The following INF2 variants were observed in gnomAD, a reference collection of about 807,000 sequenced individuals.
INF2 encodes inverted formin 2, also known as inverted formin-2.
Under a neutral mutation model 123.5 loss-of-function variants are expected in INF2, and 43 were observed. That is an observed-to-expected ratio of 0.35 (90% CI 0.27 to 0.45). The LOEUF (loss-of-function observed/expected upper bound fraction) is 0.45. Ranked by LOEUF, INF2 falls within the 20% of genes least tolerant of loss-of-function variation. INF2 has a pLI of 1.00. For missense variants in INF2, 1,453 were observed against 1,682.7 expected (o/e 0.86, Z 2.39); for synonymous variants, 851 against 745.0 (o/e 1.14, Z -2.32).
intron 13 of INF2, 68 bp downstream of exon 13, chr14:104,710,256 T>TC: frequency 8.7e-7 from 1 of 1,152,402 alleles, no homozygotes; most frequent in Non-Finnish European, 1.2e-6. Flanking sequence ...GGAGGGCTGC[T>TC]CGGGGCCCCT....
At chr14:104,691,777 G>A (rs372497507) in intron 1 of INF2, among the ~76,000 whole-genome samples, 1 of 152,144 alleles carries the variant, frequency 6.6e-6, no homozygotes, top group Admixed American at 6.5e-5. Flanking sequence ...CCAACCACCT[G>A]GCCCCCTGTT....
chr14:104,703,477 A>G (rs1308207708), intron 4 of INF2, 23 bp downstream of exon 4: 3 of 1,608,988 alleles, frequency 1.9e-6, no homozygotes, highest in Admixed American at 1.7e-5. Context: ...CCTGGGCCGC[A>G]TGCCCGCTCC....
intron 22 of INF2, among the ~76,000 whole-genome samples, chr14:104,716,978 C>T (rs1890327536): frequency 6.6e-6 from 1 of 152,240 alleles, no homozygotes; most frequent in Non-Finnish European, 1.5e-5. Flanking sequence ...AGGCGTGAGC[C>T]ACCGTGCCCA....
chr14:104,685,379 T>C (rs1888629545), upstream of INF2, among the ~76,000 whole-genome samples: 1 of 152,018 alleles, frequency 6.6e-6, no homozygotes, highest in African/African-American at 2.4e-5. Flanking sequence ...GCTTGCAAAA[T>C]GCTGAGAGGC....
rs1279370721 is a variant in INF2, at chr14:104,708,747, T to C, written c.1949+15T>C. 1.9e-6 allele frequency: 3 copies of C among 1,612,530 alleles called. No individual in the cohort carries two copies. Among genetic ancestry groups the C allele is most frequent in the Non-Finnish European group, 2.5e-6 (3 of 1,179,532 alleles). ...CAATTTAAGTGGTGAGTGAGGGAGG[T>C]AGCCCCCATCCCAGGCCACGGAGCC... On this transcript the variant is annotated intron_variant, in intron 10 of 22. Coordinates refer to ENST00000392634, the MANE Select transcript of INF2 (RefSeq NM_022489.4).
intron 5 of INF2, 108 bp downstream of exon 5, chr14:104,704,057 G>T (rs1889662682): frequency 1.9e-6 from 3 of 1,572,934 alleles, no homozygotes; most frequent in African/African-American, 1.3e-5. Flanking sequence ...CCTCCAGATG[G>T]CAGGGAGGTG....
In INF2 at chr14:104,718,868, C is replaced by T. The variant is rs763867165; in HGVS notation, c.*75C>T. 1 of 1,603,812 alleles carries T rather than the reference C, an allele frequency of 6.2e-7. No homozygotes were observed. The highest frequency in any genetic ancestry group is 8.5e-7 in the Non-Finnish European group (1 of 1,176,556). On this transcript the variant is annotated 3_prime_UTR_variant, in exon 23 of 23. Coordinates refer to ENST00000392634, the MANE Select transcript of INF2 (RefSeq NM_022489.4). ...CATGCTGCCATTCTGCCAAGAGAGG[C>T]TCTTCTGGGGGCCAGGCTGGGACTG...
chr14:104,714,597 C>A lies in INF2; in HGVS notation c.3435C>A (p.Ala1145=). 1.2e-6 allele frequency: 2 copies of A among 1,612,566 alleles called. No individual in the cohort carries two copies. The highest frequency in any genetic ancestry group is 1.7e-6 in the Non-Finnish European group (2 of 1,179,872). The change falls in exon 21 of 23, where the codon GCC becomes GCA. Residue 1145 remains alanine (A), a synonymous_variant. Coordinates refer to ENST00000392634, the MANE Select transcript of INF2 (RefSeq NM_022489.4). The stretch of plus-strand genomic sequence containing the variant: ...TGCTGGGCGTCCTCCAGGCCGAGGC[C>A]GACAGCACAAGTGAGGGGCTGGAGG... ...TSLLGVLQAE[A]DSTSEGLEDA...
At chr14:104,682,812 T>G (rs1315755334) in intron 1 of INF2, among the ~76,000 whole-genome samples, 1 of 151,138 alleles carries the variant, frequency 6.6e-6, no homozygotes, top group Non-Finnish European at 1.5e-5. Flanking sequence ...AATCCTCACG[T>G]CCCCCCCGGA....
upstream of INF2, among the ~76,000 whole-genome samples, chr14:104,687,459 T>G (rs890789042): frequency 7.8e-5 from 10 of 128,250 alleles, no homozygotes; most frequent in African/African-American, 2.7e-4. This position sits in a 1 kb window ranked among gnomAD's most constrained non-coding sequence, Gnocchi z 5.6. Context: ...CGGCCTCCAC[T>G]CCACACACAC....
chr14:104,693,854 C>T (rs545913159), intron 1 of INF2, among the ~76,000 whole-genome samples: 3 of 152,340 alleles, frequency 2.0e-5, no homozygotes, highest in South Asian at 4.1e-4. Context: ...CCTCTGTGCC[C>T]CCGGGTCCCT....
intron 16 of INF2, among the ~76,000 whole-genome samples, chr14:104,711,908 G>A (rs1890067276): frequency 6.6e-6 from 1 of 152,244 alleles, no homozygotes; most frequent in Non-Finnish European, 1.5e-5. Flanking sequence ...CGAGGAAACA[G>A]GCCTAGAGTG....
chr14:104,694,831 G>A (rs901991921), intron 1 of INF2, among the ~76,000 whole-genome samples: 2 of 152,152 alleles, frequency 1.3e-5, no homozygotes, highest in Admixed American at 6.5e-5. Context: ...AGCCTGGCTC[G>A]TGGGCAGGCA....
chr14:104,689,470 G>A (rs916487061), upstream of INF2: 20 of 422,754 alleles, frequency 4.7e-5, no homozygotes, highest in Non-Finnish European at 1.9e-5. Flanking sequence ...AGCGCCCTCA[G>A]GGACCGGCCA....
intron 11 of INF2, 23 bp downstream of exon 11, chr14:104,709,406 C>T (rs749871713): frequency 3.2e-6 from 5 of 1,573,454 alleles, no homozygotes; most frequent in South Asian, 1.1e-5. Flanking sequence ...CCCCCACACC[C>T]CACCCCCAGT....
At chr14:104,684,818 G>A (rs61998894), upstream of INF2, 11 of 152,284 alleles carry the variant, frequency 7.2e-5, no homozygotes, top group African/African-American at 2.7e-4. This position sits in a 1 kb window ranked among gnomAD's most constrained non-coding sequence, Gnocchi z 5.0. Context: ...AAGGGAAATA[G>A]AGGGCCAGGT....
At position 104,699,575 on chromosome 14, in the gene INF2, G is replaced by A; in HGVS notation, c.-9-1782G>A. ...GGGCCCAGAGTGGGTGGGCAGAGGT[G>A]GCCGGAAGGTCTTGCGCATCTGGGT... On this transcript the variant is annotated intron_variant, in intron 1 of 22. Transcript: ENST00000392634. This position sits in a 1 kb window ranked among gnomAD's most constrained non-coding sequence, Gnocchi z 4.7. 1.0e-6 allele frequency: 1 copy of A among 984,814 alleles called. No homozygotes were observed. Among genetic ancestry groups the A allele is most frequent in the Non-Finnish European group, 1.2e-6 (1 of 829,750 alleles). The allele number at this position is 984,814 out of a possible 1,614,324, so 61.0% of individuals were successfully genotyped here.
In INF2 at chr14:104,714,576, G is replaced by T. The variant is rs765818007; in HGVS notation, c.3414G>T (p.Leu1138=). The stretch of plus-strand genomic sequence containing the variant: ...ATGCCAAGGATCCCACGTCCTTGCT[G>T]GGCGTCCTCCAGGCCGAGGCCGACA... ...RQDAKDPTSL[L]GVLQAEADST... The change falls in exon 21 of 23, where the codon CTG becomes CTT. Residue 1138 remains leucine, a synonymous_variant. Coordinates refer to ENST00000392634, the MANE Select transcript of INF2 (RefSeq NM_022489.4). The T allele has an allele frequency of 1.9e-5, 31 of 1,612,528 alleles. No homozygotes were observed. The highest frequency in any genetic ancestry group is 2.6e-5 in the Non-Finnish European group (31 of 1,179,882).
intron 5 of INF2, chr14:104,704,314 T>G: frequency 1.8e-6 from 1 of 558,514 alleles, no homozygotes; most frequent in East Asian, 4.2e-5. Context: ...GGACGCAAGA[T>G]GGAGACAGGG....
Sources: gnomAD v4.1 joint callset for allele counts (sites outside exome capture counted in the v4.1 genomes callset) on GRCh38, gnomAD v4.1.1 for gene constraint, Gnocchi (gnomAD v3.1) non-coding constraint, MANE v1.5 for transcripts, NCBI Gene and HGNC (gene_info 2026-07-23, HGNC 2026-07-21) for gene names.